The following IL4R variants were observed in gnomAD, a reference collection of about 807,000 sequenced individuals.
The protein encoded by IL4R is interleukin 4 receptor.
Under a neutral mutation model 41.5 loss-of-function variants are expected in IL4R, and 17 were observed. The ratio of observed to expected loss-of-function variants is 0.41; its 90% CI spans 0.28 to 0.61. IL4R has a LOEUF of 0.61. Among genes scored for constraint, IL4R ranks in the 20% least tolerant of loss-of-function variants. The probability of loss-of-function intolerance (pLI) is 0.31; values close to 1 mark genes in which losing one functional copy is unlikely to be tolerated. For synonymous variants in IL4R, 402 were observed against 422.9 expected (o/e 0.95, Z 0.61); for missense variants, 974 against 1,043.1 (o/e 0.93, Z 0.91).
chr16:27,346,848 G>A (rs1349598172), intron 6 of IL4R, among the ~76,000 whole-genome samples: 3 of 152,192 alleles, frequency 2.0e-5, no homozygotes, highest in African/African-American at 4.8e-5. Context: ...TCTGCATGCC[G>A]CTCCTCCTCT....
At chr16:27,329,480 A>C (rs2085053593) in intron 1 of IL4R, among the ~76,000 whole-genome samples, 1 of 152,004 alleles carries the variant, frequency 6.6e-6, no homozygotes, top group South Asian at 2.1e-4. Context: ...GTTTAAGACC[A>C]GCCTGGCCAA....
intron 1 of IL4R, among the ~76,000 whole-genome samples, chr16:27,321,540 C>G (rs1358696788): frequency 1.3e-5 from 2 of 152,162 alleles, no homozygotes; most frequent in Admixed American, 6.6e-5. Flanking sequence ...TGTGTAGCAG[C>G]CATATCCCAC....
At chr16:27,317,310 T>C (rs1312119020) in intron 1 of IL4R, among the ~76,000 whole-genome samples, 1 of 152,210 alleles carries the variant, frequency 6.6e-6, no homozygotes, top group African/African-American at 2.4e-5. Context: ...TGCAGTAGCC[T>C]TGCCTCAGGT....
At position 27,351,542 on chromosome 16, in the gene IL4R, C is replaced by T. The variant is rs542166463; in HGVS notation, c.514-998C>T. ...TTTTTTTTTTTTTCCGAGACGAAGT[C>T]GTCACTCTGTCACCCAGGCTGGAGT... On this transcript the variant is annotated intron_variant, in intron 6 of 10. Coordinates refer to ENST00000395762, the MANE Select transcript of IL4R (RefSeq NM_000418.4). Among the ~76,000 whole-genome samples the T allele has an allele frequency of 7.5e-4, 104 of 138,920 alleles. 1 individual carries two copies. The South Asian group carries it at 0.021, about 28-fold the overall frequency. The allele number at this position is 138,920 out of a possible 152,430, so 91.1% of individuals were successfully genotyped here.
At chr16:27,333,052 T>G (rs1158479888) in intron 2 of IL4R, among the ~76,000 whole-genome samples, 1 of 152,100 alleles carries the variant, frequency 6.6e-6, no homozygotes, top group Non-Finnish European at 1.5e-5. Context: ...TTCTAATGTT[T>G]TCAATCTCTT....
intron 3 of IL4R, 47 bp downstream of exon 3, chr16:27,340,320 T>C (rs748000464): frequency 6.8e-7 from 1 of 1,466,938 alleles, no homozygotes; most frequent in Non-Finnish European, 9.5e-7. Flanking sequence ...ATTAATGGCG[T>C]GCCAGGGTCC....
chr16:27,346,706 C>G, intron 6 of IL4R, 88 bp downstream of exon 6: 3 of 1,446,454 alleles, frequency 2.1e-6, no homozygotes, highest in South Asian at 2.3e-5. Context: ...AGCCAGGAGC[C>G]TGGGAGGCAA....
chr16:27,348,340 C>A (rs1157478701), intron 6 of IL4R, among the ~76,000 whole-genome samples: 2 of 152,156 alleles, frequency 1.3e-5, no homozygotes, highest in Non-Finnish European at 2.9e-5. Context: ...ATGCCCCAGG[C>A]CTGTGCAAGA....
chr16:27,350,657 T>C (rs2085833343), intron 6 of IL4R, among the ~76,000 whole-genome samples: 1 of 152,090 alleles, frequency 6.6e-6, no homozygotes. Context: ...GCCATCAGGG[T>C]CAGTCATGAA....
At chr16:27,326,436 G>A (rs1567307588) in intron 1 of IL4R, among the ~76,000 whole-genome samples, 1 of 152,132 alleles carries the variant, frequency 6.6e-6, no homozygotes, top group South Asian at 2.1e-4. Flanking sequence ...GGAGTTTGAG[G>A]TTGCAGTGAG....
At chr16:27,322,778 A>G (rs1010960008) in intron 1 of IL4R, among the ~76,000 whole-genome samples, 1 of 152,162 alleles carries the variant, frequency 6.6e-6, no homozygotes, top group South Asian at 2.1e-4. Flanking sequence ...ATTGTCATGA[A>G]TTCTATTTTA....
Position 27,340,927 on chromosome 16 carries a change from G to T in IL4R, c.70+654G>T, listed in dbSNP as rs147213551. 3.2e-3 allele frequency: 1,251 copies of T among 386,846 alleles called. 16 individuals carry two copies. The highest frequency in any genetic ancestry group is 0.023 in the African/African-American group (1,118 of 48,332). The allele number at this position is 386,846 out of a possible 1,614,324, so 24.0% of individuals were successfully genotyped here. A position where few individuals can be genotyped will look rare whatever the true frequency, so the allele number is the denominator to read the frequency against. ...GCCCTGCACTGAGCCTGGCGGGAGG[G>T]TTGAGCACAGGAGGGAATGTGGTGG... On this transcript the variant is annotated intron_variant, in intron 3 of 10. Transcript: ENST00000395762.
intron 3 of IL4R, chr16:27,341,399 T>G: frequency 1.8e-6 from 1 of 570,572 alleles, no homozygotes; most frequent in Admixed American, 3.1e-5. Context: ...AGACAGCTCC[T>G]TAACATGGTA....
At chr16:27,316,100 T>C (rs2084641664) in intron 1 of IL4R, among the ~76,000 whole-genome samples, 2 of 152,242 alleles carry the variant, frequency 1.3e-5, no homozygotes, top group African/African-American at 4.8e-5. Flanking sequence ...CTGGGCGCAG[T>C]GACTCACACC....
In IL4R at chr16:27,361,945, G is replaced by A. The variant is rs3024673; in HGVS notation, c.900-307G>A. Among the ~76,000 whole-genome samples, 373 of 152,196 alleles carry A rather than the reference G, an allele frequency of 2.5e-3. 2 individuals are homozygous for A. The highest frequency in any genetic ancestry group is 8.7e-3 in the African/African-American group (362 of 41,534). ...TCCATATCCTTTCTAATTGGTCATG[G>A]CTTGGGATAATGGTGTTGCTTTTAA... On this transcript the variant is annotated intron_variant, in intron 10 of 10. Coordinates refer to ENST00000395762, the MANE Select transcript of IL4R (RefSeq NM_000418.4).
At chr16:27,333,861 C>G (rs1408609536) in intron 2 of IL4R, among the ~76,000 whole-genome samples, 3 of 150,918 alleles carry the variant, frequency 2.0e-5, no homozygotes, top group Non-Finnish European at 4.4e-5. Flanking sequence ...GCTGAGACCC[C>G]TTCCAACTCC....
chr16:27,364,003 C>T lies in IL4R; in HGVS notation c.*173C>T, dbSNP rs1168024523. On this transcript the variant is annotated 3_prime_UTR_variant, in exon 11 of 11. Coordinates refer to ENST00000395762, the MANE Select transcript of IL4R (RefSeq NM_000418.4). Reference sequence around the variant, plus strand: ...TTGGCCTAACACTGGGCTGCAGAGACTGGACCCCGCCCAGCATTGGGCTGG... The same window carrying T: ...TTGGCCTAACACTGGGCTGCAGAGATTGGACCCCGCCCAGCATTGGGCTGG... 7.0e-6 allele frequency: 5 copies of T among 716,726 alleles called. No individual in the cohort carries two copies. The highest frequency in any genetic ancestry group is 9.1e-6 in the Non-Finnish European group (4 of 437,390). 44.4% of individuals were successfully genotyped at this position (716,726 alleles called of 1,614,324 possible).
chr16:27,338,839 G>A (rs2085344936), intron 2 of IL4R, among the ~76,000 whole-genome samples: 1 of 151,908 alleles, frequency 6.6e-6, no homozygotes, highest in African/African-American at 2.4e-5. Flanking sequence ...CTATGCATTA[G>A]AAAATTTATT....
At chr16:27,320,393 C>T (rs575335885) in intron 1 of IL4R, among the ~76,000 whole-genome samples, 60 of 152,352 alleles carry the variant, frequency 3.9e-4, no homozygotes, top group African/African-American at 1.4e-3. Context: ...GCCATGGCCC[C>T]AACCACGGCC....
Sources: gnomAD v4.1 joint callset for allele counts (sites outside exome capture counted in the v4.1 genomes callset) on GRCh38, gnomAD v4.1.1 for gene constraint, MANE v1.5 for transcripts, NCBI Gene and HGNC (gene_info 2026-07-23, HGNC 2026-07-21) for gene names.